Variants in KIF26B observed in about 807,000 individuals in gnomAD.
The protein encoded by KIF26B is kinesin family member 26B.
A neutral mutation model predicts 151.2 loss-of-function variants in KIF26B; 63 were observed. The ratio of observed to expected loss-of-function variants is 0.42; its 90% CI spans 0.34 to 0.51. KIF26B has a LOEUF of 0.51. Ranked by LOEUF, KIF26B falls within the 20% of genes least tolerant of loss-of-function variation. KIF26B has a pLI of 0.07. For synonymous variants in KIF26B, 1,357 were observed against 1,262.1 expected, an observed-to-expected ratio of 1.08 and a Z score of -1.59; for missense variants, 2,813 against 2,913.6, an observed-to-expected ratio of 0.97 and a Z score of 0.79.
chr1:245,299,627 C>T (rs1024214426), intron 2 of KIF26B, among the ~76,000 whole-genome samples: 5 of 152,174 alleles, frequency 3.3e-5, no homozygotes, highest in Non-Finnish European at 7.3e-5. Flanking sequence ...GTCCCCATCT[C>T]ATGAGGAAAC....
At chr1:245,677,709 G>A (rs756166691) in intron 10 of KIF26B, among the ~76,000 whole-genome samples, 21 of 152,364 alleles carry the variant, frequency 1.4e-4, no homozygotes, top group East Asian at 1.9e-4. Flanking sequence ...TGCCTCAAAC[G>A]TAGGAATGTT....
In KIF26B at chr1:245,241,926, T is replaced by G. The variant is rs1283556706; in HGVS notation, c.465+85243T>G. Reference sequence around the variant, plus strand: ...CTCACCCAGCCTCATCTCCAGCCATTCGAGATGCAGGCGTTGTCATTCCTT... The same window carrying G: ...CTCACCCAGCCTCATCTCCAGCCATGCGAGATGCAGGCGTTGTCATTCCTT... On this transcript the variant is annotated intron_variant, in intron 2 of 14. Transcript: ENST00000407071. The surrounding 1 kb of genome is among the most constrained non-coding windows in gnomAD (Gnocchi z 5.0). Among the ~76,000 whole-genome samples, 1 of 152,150 alleles carries G rather than the reference T, an allele frequency of 6.6e-6. No individual in the cohort carries two copies.
intron 3 of KIF26B, among the ~76,000 whole-genome samples, chr1:245,380,636 G>T (rs1219060782): frequency 6.6e-6 from 1 of 152,208 alleles, no homozygotes; most frequent in African/African-American, 2.4e-5. Context: ...CGGCTAGGAA[G>T]TGACAGCGAT....
intron 4 of KIF26B, among the ~76,000 whole-genome samples, chr1:245,466,619 C>A (rs1001279088): frequency 1.3e-4 from 20 of 152,336 alleles, no homozygotes; most frequent in African/African-American, 4.8e-4. Flanking sequence ...TTTTCACATG[C>A]ATGCTTTAAA....
chr1:245,605,247 G>A (rs1031396593), intron 6 of KIF26B, among the ~76,000 whole-genome samples: 4 of 152,158 alleles, frequency 2.6e-5, no homozygotes, highest in Admixed American at 1.3e-4. Flanking sequence ...CAACAAATGC[G>A]GCTATTTTTA....
intron 5 of KIF26B, among the ~76,000 whole-genome samples, chr1:245,599,582 T>G (rs1360132728): frequency 2.0e-5 from 3 of 152,340 alleles, no homozygotes; most frequent in East Asian, 3.9e-4. Context: ...AGAAATTGCA[T>G]GCAAAATTGT....
chr1:245,555,467 A>G (rs1351981396), intron 5 of KIF26B, among the ~76,000 whole-genome samples: 2 of 151,658 alleles, frequency 1.3e-5, no homozygotes. Flanking sequence ...GACTGGACAG[A>G]CTCCTGTCCT....
chr1:245,583,236 G>C (rs149434567), intron 5 of KIF26B, among the ~76,000 whole-genome samples: 127 of 152,278 alleles, frequency 8.3e-4, no homozygotes, highest in African/African-American at 2.5e-3. Flanking sequence ...CGGACTTAAA[G>C]ATCTACTGGT....
chr1:245,179,025 G>A (rs1668859909), intron 2 of KIF26B, among the ~76,000 whole-genome samples: 2 of 151,050 alleles, frequency 1.3e-5, no homozygotes, highest in South Asian at 4.2e-4. Context: ...GTATACAAAT[G>A]TTCATATTTG....
At chr1:245,562,850 A>G (rs937901724) in intron 5 of KIF26B, among the ~76,000 whole-genome samples, 3 of 152,122 alleles carry the variant, frequency 2.0e-5, no homozygotes, top group African/African-American at 7.2e-5. Context: ...AGCTGGGACT[A>G]TAGGCATGCG....
At chr1:245,173,209 C>T (rs1323642693) in intron 2 of KIF26B, among the ~76,000 whole-genome samples, 1 of 152,078 alleles carries the variant, frequency 6.6e-6, no homozygotes, top group Non-Finnish European at 1.5e-5. Context: ...GATTCATAGA[C>T]ATAGAAAGTA....
In KIF26B at chr1:245,377,969, G is replaced by A. The variant is rs540260136; in HGVS notation, c.999+10602G>A. On this transcript the variant is annotated intron_variant, in intron 3 of 14. Coordinates refer to ENST00000407071, the MANE Select transcript of KIF26B (RefSeq NM_018012.4). ...CAAAGTCAACGATCAACCTGTATGC[G>A]TGGGTTTTTCATAGAATAACAGCCT... 4.3e-4 allele frequency among the ~76,000 whole-genome samples: 66 copies of A among 152,318 alleles called. No homozygotes were observed. In the East Asian group the frequency reaches 4.8e-3, roughly 11 times the overall value.
At chr1:245,238,942 A>T (rs1050928761) in intron 2 of KIF26B, among the ~76,000 whole-genome samples, 3 of 152,196 alleles carry the variant, frequency 2.0e-5, no homozygotes, top group African/African-American at 7.2e-5. Flanking sequence ...GCTTAGTCTC[A>T]ATTTCTACAC....
chr1:245,481,072 C>T (rs1233736203), intron 4 of KIF26B, among the ~76,000 whole-genome samples: 1 of 151,832 alleles, frequency 6.6e-6, no homozygotes, highest in Non-Finnish European at 1.5e-5. Context: ...ACTGTGCTGG[C>T]CGTGCGTTGT....
Position 245,488,565 on chromosome 1 carries a change from C to T in KIF26B, c.1167-52202C>T, listed in dbSNP as rs1660331818. ...CCCCCTCTGCCTCGGGGACAGGCAC[C>T]TCCTGGTCCACATCCATCCCTGGAA... On this transcript the variant is annotated intron_variant, in intron 4 of 14. Transcript: ENST00000407071. This position sits in a 1 kb window ranked among gnomAD's most constrained non-coding sequence, Gnocchi z 4.6. 6.6e-6 allele frequency among the ~76,000 whole-genome samples: 1 copy of T among 152,144 alleles called. No individual in the cohort carries two copies.
At chr1:245,463,037 A>G (rs1293379704) in intron 4 of KIF26B, among the ~76,000 whole-genome samples, 2 of 152,166 alleles carry the variant, frequency 1.3e-5, no homozygotes, top group East Asian at 1.9e-4. Flanking sequence ...GGTGGGTCCA[A>G]TGACTGCTGA....
chr1:245,319,511 GTTTTT>G (rs34496402), intron 2 of KIF26B, among the ~76,000 whole-genome samples: 1 of 146,944 alleles, frequency 6.8e-6, no homozygotes, highest in African/African-American at 2.5e-5. Flanking sequence ...ACTACGCCAA[GTTTTT>G]TTTTTTTTTA....
chr1:245,292,249 C>T (rs1671264928), intron 2 of KIF26B, among the ~76,000 whole-genome samples: 1 of 152,106 alleles, frequency 6.6e-6, no homozygotes, highest in Admixed American at 6.5e-5. Context: ...TCTTCGAAAC[C>T]CTCTGAGCTC....
intron 4 of KIF26B, among the ~76,000 whole-genome samples, chr1:245,523,518 A>G (rs561497461): frequency 1.2e-4 from 19 of 152,320 alleles, no homozygotes; most frequent in African/African-American, 4.1e-4. Flanking sequence ...TATTTTGTAC[A>G]GTTCTAGAGG....
Sources: gnomAD v4.1 joint callset for allele counts (sites outside exome capture counted in the v4.1 genomes callset) on GRCh38, gnomAD v4.1.1 for gene constraint, Gnocchi (gnomAD v3.1) non-coding constraint, MANE v1.5 for transcripts, NCBI Gene and HGNC (gene_info 2026-07-23, HGNC 2026-07-21) for gene names.